The following TXLNB variants were observed in gnomAD, a reference collection of about 807,000 sequenced individuals.
TXLNB encodes beta-taxilin.
In TXLNB, 37 loss-of-function variants were observed where a neutral mutation model predicts 57.4. That is an observed-to-expected ratio of 0.64 (90% CI 0.50 to 0.85). The LOEUF (loss-of-function observed/expected upper bound fraction) is 0.85. TXLNB is among the 40% of genes least tolerant of loss of function. TXLNB has a pLI of 0.00. For synonymous variants in TXLNB, 302 were observed against 309.6 expected, an observed-to-expected ratio of 0.98 and a Z score of 0.26; for missense variants, 848 against 825.6, an observed-to-expected ratio of 1.03 and a Z score of -0.33.
intron 2 of TXLNB, among the ~76,000 whole-genome samples, chr6:139,282,120 T>C (rs4409197): frequency 0.33 from 46,773 of 142,280 alleles, 8,779 homozygotes; most frequent in African/African-American, 0.53. Flanking sequence ...CTTGAATTTC[T>C]CTGGTCTTCT....
At chr6:139,262,096 C>A (rs867214406) in intron 5 of TXLNB, among the ~76,000 whole-genome samples, 1 of 151,456 alleles carries the variant, frequency 6.6e-6, no homozygotes, top group African/African-American at 2.4e-5. Flanking sequence ...GTAGTAGAGA[C>A]GGGATTTCAC....
chr6:139,186,959 TAATGAG>T, the TXLNB span, among the ~76,000 whole-genome samples: 1 of 152,120 alleles, frequency 6.6e-6, no homozygotes, highest in African/African-American at 2.4e-5. Flanking sequence ...GGAGGAATAT[TAATGAG>T]AAGAGAAAGA....
chr6:139,302,096 T>A, the TXLNB span, among the ~76,000 whole-genome samples: 2 of 152,138 alleles, frequency 1.3e-5, no homozygotes, highest in Non-Finnish European at 2.9e-5. Flanking sequence ...TATTTGAATA[T>A]TTTGCTTAGA....
chr6:139,183,832 C>T, the TXLNB span, among the ~76,000 whole-genome samples: 46 of 151,698 alleles, frequency 3.0e-4, no homozygotes, highest in Non-Finnish European at 5.4e-4. Context: ...AGGTTCGGTA[C>T]GTGCAAAATC....
At chr6:139,166,652 C>T in the TXLNB span, 3 of 1,614,124 alleles carry the variant, frequency 1.9e-6, no homozygotes, top group South Asian at 1.1e-5. Flanking sequence ...CACAGGGAGG[C>T]CTCCTGGTGA....
the TXLNB span, among the ~76,000 whole-genome samples, chr6:139,229,955 G>A: frequency 6.6e-6 from 1 of 152,028 alleles, no homozygotes; most frequent in African/African-American, 2.4e-5. Context: ...TTTCCTGGAC[G>A]TTAATGCTTC....
At chr6:139,268,273 A>G (rs1776668153) in intron 4 of TXLNB, among the ~76,000 whole-genome samples, 1 of 152,190 alleles carries the variant, frequency 6.6e-6, no homozygotes, top group African/African-American at 2.4e-5. Context: ...TTCAAAGTAC[A>G]TAAAGCAGAA....
intron 2 of TXLNB, among the ~76,000 whole-genome samples, chr6:139,281,120 T>TAAC (rs1432754038): frequency 2.6e-5 from 4 of 152,156 alleles, no homozygotes; most frequent in African/African-American, 9.7e-5. Flanking sequence ...TGGCTTTAAT[T>TAAC]TCCCTGTCTA....
chr6:139,182,181 T>C, the TXLNB span, among the ~76,000 whole-genome samples: 1 of 152,206 alleles, frequency 6.6e-6, no homozygotes, highest in African/African-American at 2.4e-5. Flanking sequence ...ACAAGATAAG[T>C]TGGGGAAACC....
At chr6:139,182,982 A>G in the TXLNB span, 1 of 152,246 alleles carries the variant, frequency 6.6e-6, no homozygotes, top group South Asian at 2.1e-4. Context: ...ATCTAAATCA[A>G]GCATAGAACT....
intron 7 of TXLNB, among the ~76,000 whole-genome samples, chr6:139,252,680 CA>C (rs1456606118): frequency 6.6e-6 from 1 of 152,156 alleles, no homozygotes; most frequent in African/African-American, 2.4e-5. Context: ...AGCGGTTCTT[CA>C]ACTTTTTTGC....
the TXLNB span, chr6:139,174,294 T>C: frequency 2.8e-6 from 4 of 1,404,032 alleles, no homozygotes; most frequent in Admixed American, 8.9e-5. Context: ...AATCTTTGCT[T>C]ATAATTGGTA....
At chr6:139,191,148 G>A in the TXLNB span, among the ~76,000 whole-genome samples, 7 of 151,970 alleles carry the variant, frequency 4.6e-5, no homozygotes, top group Non-Finnish European at 7.4e-5. Context: ...GGCCAGGCGC[G>A]GTGGCTTACG....
downstream of TXLNB, chr6:139,239,766 G>C (rs893097366): frequency 1.3e-5 from 2 of 152,218 alleles, no homozygotes; most frequent in Non-Finnish European, 1.5e-5. The surrounding 1 kb of genome is among the most constrained non-coding windows in gnomAD (Gnocchi z 4.7). Context: ...CAAAGTGCTG[G>C]GATTATAGGC....
chr6:139,248,204 C>T (rs889771093), intron 7 of TXLNB, among the ~76,000 whole-genome samples: 19 of 149,858 alleles, frequency 1.3e-4, no homozygotes, highest in Non-Finnish European at 2.1e-4. Context: ...ACCTGGGAGG[C>T]GGAGCTTGCA....
At chr6:139,258,329 G>A (rs1200669845) in intron 6 of TXLNB, among the ~76,000 whole-genome samples, 2 of 152,010 alleles carry the variant, frequency 1.3e-5, no homozygotes, top group Admixed American at 6.5e-5. Context: ...TCTCTTTCAT[G>A]TCTCGTGTTA....
rs7766418 is a variant in TXLNB at position 139,244,640 on chromosome 6, G to C, written c.1221C>G (p.Ala407=). 5.0e-6 allele frequency: 8 copies of C among 1,613,974 alleles called. No homozygotes were observed. Among genetic ancestry groups the C allele is most frequent in the Non-Finnish European group, 6.8e-6 (8 of 1,179,932 alleles). Residue 407 remains alanine (A), a synonymous_variant, in exon 9 of 10, where the codon GCC becomes GCG. Transcript: ENST00000358430. ...KLEKDTATWK[A]RFENCNKALL... is the part of the protein sequence containing the mutation. ...GAGCTTTGTTACAGTTCTCAAATCG[G>C]GCTTTCCATGTGGCTGTGTCCTTTT...
At chr6:139,164,332 T>A in the TXLNB span, among the ~76,000 whole-genome samples, 1 of 151,640 alleles carries the variant, frequency 6.6e-6, no homozygotes, top group Non-Finnish European at 1.5e-5. Flanking sequence ...GAGTAGTATT[T>A]CCCTCCAAAG....
At chr6:139,197,759 A>G in the TXLNB span, 2 of 152,218 alleles carry the variant, frequency 1.3e-5, no homozygotes, top group East Asian at 3.8e-4. Context: ...GAGGCTGAGA[A>G]GTCTAAGGTT....
Sources: allele counts gnomAD v4.1 joint callset (sites outside exome capture counted in the v4.1 genomes callset), GRCh38; gene constraint gnomAD v4.1.1; non-coding constraint Gnocchi (gnomAD v3.1); transcripts MANE v1.5; gene names NCBI Gene and HGNC (gene_info 2026-07-23, HGNC 2026-07-21).